The following IGFL2 variants were observed in gnomAD, a reference collection of about 807,000 sequenced individuals.
IGFL2 encodes insulin growth factor-like family member 2.
Under a neutral mutation model 13.9 loss-of-function variants are expected in IGFL2, and 7 were observed. That is an observed-to-expected ratio of 0.51 (90% CI 0.29 to 0.95). The LOEUF is 0.95. Ranked by LOEUF, IGFL2 falls within the 40% of genes least tolerant of loss-of-function variation. The pLI, the probability that IGFL2 is intolerant of heterozygous loss-of-function variation, is 0.08. For missense variants in IGFL2, 138 were observed against 147.8 expected, an observed-to-expected ratio of 0.93 and a Z score of 0.34; for synonymous variants, 55 against 55.8, an observed-to-expected ratio of 0.99 and a Z score of 0.07.
the IGFL2 span, among the ~76,000 whole-genome samples, chr19:46,088,734 A>C: frequency 3.3e-5 from 5 of 152,230 alleles, no homozygotes; most frequent in African/African-American, 9.6e-5. Flanking sequence ...AGGCGATGAG[A>C]ATACAAAGAT....
the IGFL2 span, among the ~76,000 whole-genome samples, chr19:46,120,777 T>C: frequency 1.3e-4 from 19 of 150,756 alleles, 1 homozygote; most frequent in African/African-American, 4.7e-4. Flanking sequence ...AGTAAAAAAA[T>C]GTATATTTCA....
At chr19:46,185,035 A>G in the IGFL2 span, among the ~76,000 whole-genome samples, 1 of 152,212 alleles carries the variant, frequency 6.6e-6, no homozygotes, top group Non-Finnish European at 1.5e-5. Context: ...TGTTGGCTGC[A>G]TAAATGTCTT....
At chr19:46,123,595 T>A in the IGFL2 span, among the ~76,000 whole-genome samples, 2 of 151,074 alleles carry the variant, frequency 1.3e-5, no homozygotes, top group Non-Finnish European at 2.9e-5. Context: ...TAGCATGTTT[T>A]TTTACATCAG....
the IGFL2 span, among the ~76,000 whole-genome samples, chr19:46,193,003 A>G: frequency 6.6e-6 from 1 of 151,916 alleles, no homozygotes. Flanking sequence ...CAGCCTGGAA[A>G]ACATGGTGAA....
chr19:46,132,856 T>C, the IGFL2 span, among the ~76,000 whole-genome samples: 571 of 152,266 alleles, frequency 3.8e-3, 32 homozygotes, highest in East Asian at 0.1. Flanking sequence ...CACTGCCTGC[T>C]GAGTTGATCA....
upstream of IGFL2, among the ~76,000 whole-genome samples, chr19:46,138,138 T>A (rs572682742): frequency 3.1e-4 from 47 of 152,332 alleles, no homozygotes; most frequent in Non-Finnish European, 5.1e-4. Flanking sequence ...TTTTTTCTCA[T>A]CTGTGTGGGC....
At chr19:46,123,854 C>A in the IGFL2 span, 703 of 1,577,026 alleles carry the variant, frequency 4.5e-4, 49 homozygotes, top group African/African-American at 9.1e-3. Context: ...CTCCCTCATT[C>A]CTTTAGTTAA....
chr19:46,149,120 A>T, intron 1 of IGFL2: 1 of 1,089,516 alleles, frequency 9.2e-7, no homozygotes, highest in Non-Finnish European at 1.4e-6. Flanking sequence ...GTGTTCACTA[A>T]CTTCTTTTTG....
the IGFL2 span, chr19:46,120,389 A>G: frequency 6.2e-7 from 1 of 1,610,328 alleles, no homozygotes; most frequent in Non-Finnish European, 8.5e-7. Context: ...AAGTGTCTTA[A>G]CAACATATAT....
chr19:46,126,417 CTTCT>C, the IGFL2 span, among the ~76,000 whole-genome samples: 2 of 152,202 alleles, frequency 1.3e-5, no homozygotes, highest in African/African-American at 4.8e-5. Context: ...ACACTAGCCC[CTTCT>C]TTCTTTGAAT....
chr19:46,177,886 C>A, the IGFL2 span, among the ~76,000 whole-genome samples: 1 of 152,272 alleles, frequency 6.6e-6, no homozygotes, highest in South Asian at 2.1e-4. Flanking sequence ...ATCTGAAAAA[C>A]TAAATTCCAG....
the IGFL2 span, chr19:46,212,337 A>T: frequency 6.6e-6 from 1 of 152,338 alleles, no homozygotes; most frequent in Non-Finnish European, 1.5e-5. Context: ...TGCTCCCCAG[A>T]AAGATACAGG....
the IGFL2 span, among the ~76,000 whole-genome samples, chr19:46,184,344 T>C: frequency 6.6e-6 from 1 of 152,172 alleles, no homozygotes; most frequent in Non-Finnish European, 1.5e-5. Context: ...TAAGTATACA[T>C]GTGCCATGGT....
chr19:46,093,999 A>G, the IGFL2 span, among the ~76,000 whole-genome samples: 3 of 144,512 alleles, frequency 2.1e-5, no homozygotes, highest in African/African-American at 7.7e-5. Context: ...TCACCTTGAT[A>G]TGTACATTCA....
At chr19:46,118,618 G>A in the IGFL2 span, among the ~76,000 whole-genome samples, 1 of 152,238 alleles carries the variant, frequency 6.6e-6, no homozygotes, top group Non-Finnish European at 1.5e-5. Flanking sequence ...TGAACCCTGG[G>A]CAGCCTCAGA....
chr19:46,179,509 A>G, the IGFL2 span: 1 of 152,468 alleles, frequency 6.6e-6, no homozygotes, highest in Non-Finnish European at 1.5e-5. Flanking sequence ...GCTGGTCTCC[A>G]CTCTGCTCAG....
At chr19:46,164,680 G>C (rs1047395250), downstream of IGFL2, 1 of 152,232 alleles carries the variant, frequency 6.6e-6, no homozygotes, top group South Asian at 2.1e-4. Flanking sequence ...AGACCTTTAC[G>C]TCTTGCGTGA....
chr19:46,080,690 C>G, the IGFL2 span, among the ~76,000 whole-genome samples: 69 of 152,310 alleles, frequency 4.5e-4, no homozygotes, highest in Non-Finnish European at 6.8e-4. Flanking sequence ...GGCCCTGTCC[C>G]TGTTGGTGGT....
chr19:46,095,403 T>A, the IGFL2 span, among the ~76,000 whole-genome samples: 1 of 152,194 alleles, frequency 6.6e-6, no homozygotes, highest in Non-Finnish European at 1.5e-5. Flanking sequence ...TTTGTTTAAG[T>A]TCCTTGTAGA....
Sources: allele counts gnomAD v4.1 joint callset (sites outside exome capture counted in the v4.1 genomes callset), GRCh38; gene constraint gnomAD v4.1.1; transcripts MANE v1.5; gene names NCBI Gene and HGNC (gene_info 2026-07-23, HGNC 2026-07-21).